TAFA4: variants seen among roughly 807,000 people sequenced by gnomAD.
TAFA4 encodes the protein TAFA chemokine like family member 4.
TAFA4 carries 20 observed loss-of-function variants against 21.1 expected under a neutral mutation model. The ratio of observed to expected loss-of-function variants is 0.95; its 90% CI spans 0.67 to 1.38. The LOEUF (loss-of-function observed/expected upper bound fraction) is 1.38. TAFA4 is among the 40% of genes most tolerant of loss of function. The pLI, the probability that TAFA4 is intolerant of heterozygous loss-of-function variation, is 0.00. For synonymous variants in TAFA4, 71 were observed against 67.4 expected, an observed-to-expected ratio of 1.05 and a Z score of -0.26; for missense variants, 211 against 180.9, an observed-to-expected ratio of 1.17 and a Z score of -0.95.
At chr3:68,916,928 C>A (rs1398272474) in intron 1 of TAFA4, among the ~76,000 whole-genome samples, 1 of 152,168 alleles carries the variant, frequency 6.6e-6, no homozygotes, top group Non-Finnish European at 1.5e-5. Flanking sequence ...CCTATGGCTA[C>A]CCTGGTGAAA....
At chr3:68,913,341 G>C (rs1240394535) in intron 1 of TAFA4, among the ~76,000 whole-genome samples, 1 of 152,114 alleles carries the variant, frequency 6.6e-6, no homozygotes, top group African/African-American at 2.4e-5. Context: ...ATCCAGGAGA[G>C]TGACTCCAGA....
chr3:68,912,827 A>C (rs1435714059), intron 1 of TAFA4, among the ~76,000 whole-genome samples: 3 of 152,218 alleles, frequency 2.0e-5, no homozygotes, highest in African/African-American at 7.2e-5. Context: ...CAAAGTCAAA[A>C]GGAAAAAACT....
chr3:68,784,589 GGTGA>G (rs1559520107), intron 3 of TAFA4, among the ~76,000 whole-genome samples: 1 of 152,164 alleles, frequency 6.6e-6, no homozygotes, highest in Non-Finnish European at 1.5e-5. Context: ...AGACCTTTGC[GGTGA>G]GTGTTACAGC....
At chr3:68,778,627 CT>C (rs1473772473) in intron 3 of TAFA4, among the ~76,000 whole-genome samples, 36 of 152,198 alleles carry the variant, frequency 2.4e-4, no homozygotes, top group Admixed American at 2.4e-3. Flanking sequence ...AGGTGTTCCC[CT>C]GCACAAGCTC....
At chr3:68,809,298 T>C (rs543121356) in intron 3 of TAFA4, among the ~76,000 whole-genome samples, 4 of 152,294 alleles carry the variant, frequency 2.6e-5, no homozygotes, top group South Asian at 2.1e-4. Flanking sequence ...AAATGTTTCA[T>C]TGAAGCCACC....
At chr3:68,834,439 G>A (rs911750115) in intron 3 of TAFA4, among the ~76,000 whole-genome samples, 12 of 152,050 alleles carry the variant, frequency 7.9e-5, no homozygotes, top group African/African-American at 2.7e-4. Context: ...GTCATTTACT[G>A]TGCTCATAAA....
In TAFA4 at chr3:68,802,308, T is replaced by C. The variant is rs574381438; in HGVS notation, c.131-49290A>G. Among the ~76,000 whole-genome samples, 7 of 152,264 alleles carry C rather than the reference T, an allele frequency of 4.6e-5. No homozygotes were observed. The South Asian group carries it at 1.2e-3, about 27-fold the overall frequency. ...ACAAACTGGAAGAAAATATGGAGCA[T>C]TCTAATTCAAGTATCCTAATTTACA... On this transcript the variant is annotated intron_variant, in intron 3 of 5. Coordinates refer to ENST00000295569, the MANE Select transcript of TAFA4 (RefSeq NM_182522.5).
intron 4 of TAFA4, among the ~76,000 whole-genome samples, chr3:68,748,291 C>T (rs1423316889): frequency 6.6e-6 from 1 of 152,190 alleles, no homozygotes; most frequent in Non-Finnish European, 1.5e-5. Flanking sequence ...ATTCATGTGT[C>T]TGCACTGAGA....
intron 3 of TAFA4, among the ~76,000 whole-genome samples, chr3:68,830,150 A>C (rs1471369835): frequency 1.3e-5 from 2 of 152,068 alleles, no homozygotes; most frequent in African/African-American, 4.8e-5. Flanking sequence ...TCCTGGATTC[A>C]TTGATTATTT....
intron 3 of TAFA4, among the ~76,000 whole-genome samples, chr3:68,813,792 G>A (rs967559145): frequency 2.0e-5 from 3 of 152,060 alleles, no homozygotes; most frequent in Non-Finnish European, 4.4e-5. Flanking sequence ...TAGAAAAAGA[G>A]GGAATCCTCC....
intron 3 of TAFA4, among the ~76,000 whole-genome samples, chr3:68,767,913 C>CT (rs1156236874): frequency 1.3e-5 from 2 of 151,376 alleles, no homozygotes; most frequent in Admixed American, 6.6e-5. Context: ...ATCCTTAGTA[C>CT]TTTTTTTCCT....
chr3:68,931,411 G>A (rs1225450170), intron 1 of TAFA4, among the ~76,000 whole-genome samples: 1 of 152,100 alleles, frequency 6.6e-6, no homozygotes, highest in Non-Finnish European at 1.5e-5. Flanking sequence ...AACGTTAAAT[G>A]ATGCTGATTC....
intron 4 of TAFA4, among the ~76,000 whole-genome samples, chr3:68,741,642 A>G (rs1367737398): frequency 2.0e-5 from 3 of 151,954 alleles, no homozygotes; most frequent in Non-Finnish European, 4.4e-5. Flanking sequence ...AAAATAAAAA[A>G]AAGCCAGGCG....
intron 3 of TAFA4, among the ~76,000 whole-genome samples, chr3:68,877,141 T>C (rs113393507): frequency 7.9e-5 from 12 of 152,014 alleles, no homozygotes; most frequent in African/African-American, 2.7e-4. Flanking sequence ...GGTGGATCAC[T>C]TGAGGTCAGG....
At chr3:68,777,281 A>C (rs1703065799) in intron 3 of TAFA4, among the ~76,000 whole-genome samples, 1 of 152,156 alleles carries the variant, frequency 6.6e-6, no homozygotes, top group African/African-American at 2.4e-5. Context: ...ATAAGGCAGT[A>C]TATTATTTGA....
intron 4 of TAFA4, among the ~76,000 whole-genome samples, chr3:68,751,199 CAG>C (rs989245529): frequency 9.2e-5 from 14 of 152,296 alleles, no homozygotes; most frequent in African/African-American, 3.4e-4. Context: ...AACTGAGACA[CAG>C]ATCTTGCAGG....
At chr3:68,747,655 C>T (rs1702484520) in intron 4 of TAFA4, among the ~76,000 whole-genome samples, 1 of 152,170 alleles carries the variant, frequency 6.6e-6, no homozygotes, top group Admixed American at 6.5e-5. Context: ...CATGCTCGCA[C>T]ACACAAATCC....
chr3:68,763,131 A>G (rs1415472557), intron 3 of TAFA4, among the ~76,000 whole-genome samples: 1 of 152,232 alleles, frequency 6.6e-6, no homozygotes, highest in African/African-American at 2.4e-5. Context: ...TAGGTCAACA[A>G]TTGAAGATGA....
At chr3:68,789,301 T>A (rs1251155422) in intron 3 of TAFA4, among the ~76,000 whole-genome samples, 1 of 152,122 alleles carries the variant, frequency 6.6e-6, no homozygotes, top group Non-Finnish European at 1.5e-5. Flanking sequence ...GTTGACCATA[T>A]ATTCCAGGGT....
Sources: allele counts gnomAD v4.1 joint callset (sites outside exome capture counted in the v4.1 genomes callset), GRCh38; gene constraint gnomAD v4.1.1; transcripts MANE v1.5; gene names NCBI Gene and HGNC (gene_info 2026-07-23, HGNC 2026-07-21).